The following RARA variants were observed in gnomAD, a reference collection of about 807,000 sequenced individuals.
RARA encodes the protein PML-DDX5-RARA fusion.
Under a neutral mutation model 42.8 loss-of-function variants are expected in RARA, and 5 were observed. That is an observed-to-expected ratio of 0.12 (90% confidence interval 0.06 to 0.25). The LOEUF is 0.25. Among genes scored for constraint, RARA ranks in the 10% least tolerant of loss-of-function variants. The pLI, the probability that RARA is intolerant of heterozygous loss-of-function variation, is 1.00. For synonymous variants in RARA, 256 were observed against 259.5 expected, an observed-to-expected ratio of 0.99 and a Z score of 0.13; for missense variants, 402 against 628.7, an observed-to-expected ratio of 0.64 and a Z score of 3.86.
At chr17:40,312,241 G>A (rs1007373904) in intron 1 of RARA, among the ~76,000 whole-genome samples, 4 of 152,202 alleles carry the variant, frequency 2.6e-5, no homozygotes, top group Non-Finnish European at 5.9e-5. Context: ...CCTCTAGACC[G>A]CTTGCCTCCT....
At chr17:40,342,510 C>A in intron 2 of RARA, 1 of 1,318,718 alleles carries the variant, frequency 7.6e-7, no homozygotes, top group East Asian at 3.1e-5. Flanking sequence ...TGCTTTTCAC[C>A]GGGACTGGCG....
intron 2 of RARA, 150 bp downstream of exon 2, chr17:40,331,546 T>G: frequency 1.9e-6 from 2 of 1,046,096 alleles, no homozygotes; most frequent in Non-Finnish European, 2.7e-6. Flanking sequence ...TCATTTGAGG[T>G]CTTAAAAATG....
At chr17:40,329,526 G>A (rs1273420199) in intron 1 of RARA, among the ~76,000 whole-genome samples, 1 of 152,120 alleles carries the variant, frequency 6.6e-6, no homozygotes, top group Non-Finnish European at 1.5e-5. Context: ...CGGCATGTTG[G>A]TCAGGCTGGT....
At chr17:40,341,301 C>G in intron 2 of RARA, 2 of 1,377,366 alleles carry the variant, frequency 1.5e-6, no homozygotes, top group Non-Finnish European at 1.9e-6. Context: ...CGGAAGCACG[C>G]AGAGCGTGGG....
intron 6 of RARA, among the ~76,000 whole-genome samples, chr17:40,353,540 G>A (rs2034519357): frequency 6.6e-6 from 1 of 152,098 alleles, no homozygotes; most frequent in Non-Finnish European, 1.5e-5. Flanking sequence ...GCCTGCAACT[G>A]CTGCCTCCCG....
At chr17:40,313,211 C>T (rs1219553324) in intron 1 of RARA, among the ~76,000 whole-genome samples, 1 of 152,080 alleles carries the variant, frequency 6.6e-6, no homozygotes, top group African/African-American at 2.4e-5. Flanking sequence ...CCCCAGAGCC[C>T]TTTGTGAGCC....
At position 40,354,630 on chromosome 17, in the gene RARA, A is replaced by G. The variant is rs750597453; in HGVS notation, c.1012+124A>G. ...TCTAGAGGGCAGGGTCTGGTCTGCAACTACACAGCAAGGGGGCCATGTGGG... is the reference window on the plus strand; with the variant it reads ...TCTAGAGGGCAGGGTCTGGTCTGCAGCTACACAGCAAGGGGGCCATGTGGG... On this transcript the variant is annotated intron_variant, in intron 7 of 8. Coordinates refer to ENST00000254066, the MANE Select transcript of RARA (RefSeq NM_000964.4). The surrounding 1 kb of genome is among the most constrained non-coding windows in gnomAD (Gnocchi z 4.5). 1.7e-6 allele frequency: 2 copies of G among 1,191,700 alleles called. No homozygotes were observed. The highest frequency in any genetic ancestry group is 1.5e-5 in the African/African-American group (1 of 65,462). 73.8% of individuals were successfully genotyped at this position (1,191,700 alleles called of 1,614,324 possible).
At chr17:40,353,643 A>G (rs2034522580) in intron 6 of RARA, among the ~76,000 whole-genome samples, 1 of 151,950 alleles carries the variant, frequency 6.6e-6, no homozygotes, top group African/African-American at 2.4e-5. Flanking sequence ...TTTTGTAGAG[A>G]CGGGGTTTCA....
chr17:40,342,576 G>C (rs2034103938), intron 2 of RARA: 4 of 1,383,086 alleles, frequency 2.9e-6, no homozygotes, highest in Non-Finnish European at 3.7e-6. Flanking sequence ...CCCCCTGCCC[G>C]GGTCACCAGT....
Position 40,342,029 on chromosome 17 carries a change from T to C in RARA, c.179-6287T>C, listed in dbSNP as rs543094742. 4.7e-6 allele frequency: 5 copies of C among 1,067,902 alleles called. No individual in the cohort carries two copies. In the South Asian group the frequency reaches 1.3e-4, roughly 29 times the overall value. The allele number at this position is 1,067,902 out of a possible 1,614,324, so 66.2% of individuals were successfully genotyped here. ...ATGCCGCCTCTCCCTCTCGGTTCCC[T>C]GCGTTTCTCCCGCTGCAGCCGGACG... On this transcript the variant is annotated intron_variant, in intron 2 of 8. Coordinates refer to ENST00000254066, the MANE Select transcript of RARA (RefSeq NM_000964.4).
chr17:40,356,851 A>AG lies in RARA; in HGVS notation c.*630dup, dbSNP rs1352621189. 4.5e-5 allele frequency: 2 copies of AG among 44,936 alleles called. No homozygotes were observed. The highest frequency in any genetic ancestry group is 8.5e-5 in the Non-Finnish European group (2 of 23,550). 2.8% of individuals were successfully genotyped at this position (44,936 alleles called of 1,614,324 possible). A position where few individuals can be genotyped will look rare whatever the true frequency, so the allele number is the denominator to read the frequency against. On this transcript the variant is annotated 3_prime_UTR_variant, in exon 9 of 9. Transcript: ENST00000254066. Reference sequence around the variant, plus strand: ...TGGGGGGAGCTGGATCCAGAGCTGGAGGGGGTGGGTCCGGGGGAGGGAGTG... The same window carrying AG: ...TGGGGGGAGCTGGATCCAGAGCTGGAGGGGGGTGGGTCCGGGGGAGGGAGTG...
intron 1 of RARA, among the ~76,000 whole-genome samples, chr17:40,322,286 AAGAGGTGGCAGGGG>A (rs1292869973): frequency 6.6e-6 from 1 of 151,266 alleles, no homozygotes; most frequent in Non-Finnish European, 1.5e-5. Flanking sequence ...AGTGGCAGGG[AAGAGGTGGCAGGGG>A]AGAGGTGGCA....
rs907734299 is a variant in RARA, at chr17:40,355,819, C to T, written c.1172-190C>T. 6.6e-6 allele frequency among the ~76,000 whole-genome samples: 1 copy of T among 152,244 alleles called. No homozygotes were observed. Among genetic ancestry groups the T allele is most frequent in the African/African-American group, 2.4e-5 (1 of 41,470 alleles). ...TGGCCCTGGAGCCGGAGTTCGGGAC[C>T]ACTTTGCCCCATTGCCACCAGCCTC... On this transcript the variant is annotated intron_variant, in intron 8 of 8. Coordinates refer to ENST00000254066, the MANE Select transcript of RARA (RefSeq NM_000964.4). The surrounding 1 kb of genome is among the most constrained non-coding windows in gnomAD (Gnocchi z 4.1).
chr17:40,329,034 A>G (rs1477664688), intron 1 of RARA, among the ~76,000 whole-genome samples: 2 of 152,172 alleles, frequency 1.3e-5, no homozygotes, highest in Non-Finnish European at 2.9e-5. Flanking sequence ...CCCACCAGCA[A>G]TATATGAGGA....
chr17:40,325,057 C>T (rs2033498222), intron 1 of RARA, among the ~76,000 whole-genome samples: 1 of 152,014 alleles, frequency 6.6e-6, no homozygotes, highest in Non-Finnish European at 1.5e-5. Flanking sequence ...TTGAGACCAG[C>T]CTGGTGAACA....
intron 2 of RARA, among the ~76,000 whole-genome samples, chr17:40,346,495 C>T (rs1167361302): frequency 6.6e-6 from 1 of 150,548 alleles, no homozygotes; most frequent in Non-Finnish European, 1.5e-5. Context: ...CCTCCACATA[C>T]CCCCTTGCCC....
chr17:40,341,365 C>A, intron 2 of RARA: 1 of 1,446,784 alleles, frequency 6.9e-7, no homozygotes, highest in East Asian at 3.0e-5. Flanking sequence ...GCTGCCGCGT[C>A]GGGTTCCGGC....
chr17:40,315,816 G>T (rs184953958), intron 1 of RARA, among the ~76,000 whole-genome samples: 1 of 152,298 alleles, frequency 6.6e-6, no homozygotes, highest in East Asian at 1.9e-4. Context: ...TTTGAAGAGG[G>T]ATGGGGCTCA....
At chr17:40,330,021 A>G (rs1239116413) in intron 1 of RARA, among the ~76,000 whole-genome samples, 2 of 152,086 alleles carry the variant, frequency 1.3e-5, no homozygotes, top group Non-Finnish European at 2.9e-5. Flanking sequence ...TTATCTGTGC[A>G]TATCCTCTGG....
Sources: allele counts gnomAD v4.1 joint callset (sites outside exome capture counted in the v4.1 genomes callset), GRCh38; gene constraint gnomAD v4.1.1; non-coding constraint Gnocchi (gnomAD v3.1); transcripts MANE v1.5; gene names NCBI Gene and HGNC (gene_info 2026-07-23, HGNC 2026-07-21).